SORL1: variants seen among roughly 807,000 people sequenced by gnomAD.
SORL1 encodes sortilin-related receptor.
A neutral mutation model predicts 273.7 loss-of-function variants in SORL1; 127 were observed. The observed-to-expected ratio is 0.46, with a 90% CI of 0.40 to 0.54. The LOEUF is 0.54. SORL1 is among the 20% of genes least tolerant of loss of function. The pLI, the probability that SORL1 is intolerant of heterozygous loss-of-function variation, is 0.00. For missense variants in SORL1, 2,494 were observed against 2,846.1 expected (o/e 0.88, Z 2.81); for synonymous variants, 1,031 against 1,067.4 (o/e 0.97, Z 0.66).
chr11:121,612,901 A>G (rs1274133237), intron 40 of SORL1, 69 bp downstream of exon 40: 2 of 1,128,606 alleles, frequency 1.8e-6, no homozygotes, highest in East Asian at 2.5e-5. Flanking sequence ...TTCCCGCTGT[A>G]GAGCTTGACT....
At chr11:121,570,369 C>A in intron 23 of SORL1, 99 bp downstream of exon 23, 2 of 754,830 alleles carry the variant, frequency 2.6e-6, no homozygotes, top group South Asian at 1.8e-5. Context: ...GAGGGCCACC[C>A]ATGATTGGTG....
At chr11:121,567,211 C>T (rs563180491) in intron 22 of SORL1, 98 bp downstream of exon 22, 34 of 1,056,714 alleles carry the variant, frequency 3.2e-5, no homozygotes, top group Admixed American at 5.0e-5. Context: ...CTAACCTTTT[C>T]GTGTTATTGG....
intron 12 of SORL1, among the ~76,000 whole-genome samples, chr11:121,543,200 G>T (rs201495906): frequency 1.5e-5 from 2 of 134,558 alleles, no homozygotes; most frequent in Non-Finnish European, 3.2e-5. Context: ...CAAAAAAAAA[G>T]AAAAAAAAAA....
intron 45 of SORL1, 78 bp from the exon 46 acceptor site, chr11:121,625,007 C>T: frequency 1.8e-6 from 2 of 1,082,432 alleles, no homozygotes; most frequent in South Asian, 1.5e-5. Flanking sequence ...GAGGAGCTCA[C>T]ATAAAGATGG....
chr11:121,459,960 A>G (rs915671955), intron 1 of SORL1, among the ~76,000 whole-genome samples: 1 of 152,200 alleles, frequency 6.6e-6, no homozygotes, highest in Admixed American at 6.5e-5. Context: ...AGCTTGGAAA[A>G]TCAGGACCCT....
chr11:121,576,741 T>A, intron 24 of SORL1: 3 of 1,455,926 alleles, frequency 2.1e-6, no homozygotes, highest in Non-Finnish European at 2.7e-6. Flanking sequence ...CATCCACCCG[T>A]GTCCCTGGAG....
intron 38 of SORL1, chr11:121,609,794 T>C (rs928944250): frequency 6.6e-6 from 1 of 152,242 alleles, no homozygotes; most frequent in Non-Finnish European, 1.5e-5. Context: ...TGAGCACTTC[T>C]TATACACTAA....
In SORL1 at chr11:121,585,498, T is replaced by TACACACACAC. The variant is rs761065310; in HGVS notation, c.3707-723_3707-722insCACACACACA. Among the ~76,000 whole-genome samples, 408 of 106,684 alleles carry TACACACACAC rather than the reference T, an allele frequency of 3.8e-3. 3 individuals are homozygous for TACACACACAC. Among genetic ancestry groups the TACACACACAC allele is most frequent in the East Asian group, 0.023 (73 of 3,160 alleles). The allele number at this position is 106,684 out of a possible 152,430, so 70.0% of individuals were successfully genotyped here. A position where few individuals can be genotyped will look rare whatever the true frequency, so the allele number is the denominator to read the frequency against. ...ACTCTGCCTTAAAAAAAAAAATGTA[T>TACACACACAC]ATACACACACACACACACACACACA... is the stretch of plus-strand genomic sequence containing the variant. On this transcript the variant is annotated intron_variant, in intron 26 of 47. Transcript: ENST00000260197.
intron 37 of SORL1, 58 bp from the exon 38 acceptor site, chr11:121,608,046 G>A (rs1481856157): frequency 2.1e-6 from 3 of 1,440,346 alleles, no homozygotes; most frequent in East Asian, 2.3e-5. Flanking sequence ...TATTCTTACT[G>A]TATGGTGTAT....
At chr11:121,584,652 T>G (rs1863066282) in intron 26 of SORL1, among the ~76,000 whole-genome samples, 1 of 152,074 alleles carries the variant, frequency 6.6e-6, no homozygotes, top group Non-Finnish European at 1.5e-5. Flanking sequence ...AGTATAGTAG[T>G]ATGATTGTGG....
At chr11:121,462,708 C>A (rs1391350757) in intron 1 of SORL1, among the ~76,000 whole-genome samples, 1 of 152,168 alleles carries the variant, frequency 6.6e-6, no homozygotes, top group Admixed American at 6.5e-5. Flanking sequence ...CCTCAGACTC[C>A]CTAGTAGCTG....
chr11:121,564,052 CG>C (rs1259009934), intron 21 of SORL1, among the ~76,000 whole-genome samples: 21 of 152,288 alleles, frequency 1.4e-4, no homozygotes, highest in African/African-American at 4.8e-4. Flanking sequence ...GAAGACATCA[CG>C]GGGCTATGTG....
chr11:121,540,520 T>TAAAAAAAAAAAAAAAAAAAA (rs1301451125), intron 12 of SORL1, among the ~76,000 whole-genome samples: 3 of 20,408 alleles, frequency 1.5e-4, no homozygotes, highest in African/African-American at 2.5e-4. Flanking sequence ...CTACTAAAAA[T>TAAAAAAAAAAAAAAAAAAAA]ACAAAAAAAA....
At chr11:121,557,464 C>A in intron 19 of SORL1, 59 bp downstream of exon 19, 2 of 1,222,636 alleles carry the variant, frequency 1.6e-6, no homozygotes, top group Non-Finnish European at 2.4e-6. Flanking sequence ...AATAGATTCT[C>A]ATGGAAACAC....
At chr11:121,491,905 A>AC (rs906981202) in intron 5 of SORL1, among the ~76,000 whole-genome samples, 1 of 152,214 alleles carries the variant, frequency 6.6e-6, no homozygotes, top group African/African-American at 2.4e-5. Flanking sequence ...ATACCTTCTT[A>AC]CCACAGGGAA....
At chr11:121,590,262 TC>T in intron 30 of SORL1, 88 bp downstream of exon 30, 1 of 1,391,736 alleles carries the variant, frequency 7.2e-7, no homozygotes, top group Non-Finnish European at 9.7e-7. Context: ...CCTGGCTGAT[TC>T]CGTGTTTTGG....
At chr11:121,467,042 T>TC in intron 1 of SORL1, among the ~76,000 whole-genome samples, 1 of 148,874 alleles carries the variant, frequency 6.7e-6, no homozygotes, top group South Asian at 2.1e-4. Context: ...TTTTTTTTTT[T>TC]TTTTTGAGGT....
intron 41 of SORL1, among the ~76,000 whole-genome samples, 156 bp from the exon 42 acceptor site, chr11:121,618,617 GC>G (rs752408626): frequency 3.3e-5 from 5 of 152,276 alleles, no homozygotes; most frequent in East Asian, 1.9e-4. Flanking sequence ...TGGCCCAAGT[GC>G]CTTCTCTGTA....
At chr11:121,523,729 C>A (rs1862077173) in intron 11 of SORL1, among the ~76,000 whole-genome samples, 1 of 152,096 alleles carries the variant, frequency 6.6e-6, no homozygotes, top group Non-Finnish European at 1.5e-5. Context: ...CCAGGAGCCA[C>A]CAGGGTAAAA....
Sources: gnomAD v4.1 joint callset for allele counts (sites outside exome capture counted in the v4.1 genomes callset) on GRCh38, gnomAD v4.1.1 for gene constraint, MANE v1.5 for transcripts, NCBI Gene and HGNC (gene_info 2026-07-23, HGNC 2026-07-21) for gene names.